Variants in RMI2 observed in about 807,000 individuals in gnomAD.
RMI2 encodes RecQ mediated genome instability 2.
In RMI2, 11 loss-of-function variants were observed where a neutral mutation model predicts 8.4. That is an observed-to-expected ratio of 1.32 (90% confidence interval 0.83 to 2.18). The LOEUF (loss-of-function observed/expected upper bound fraction) is 2.18, where lower values mean the gene tolerates loss of function less well. Ranked by LOEUF, RMI2 falls within the 30% of genes most tolerant of loss-of-function variation. The pLI is 0.00. For missense variants in RMI2, 253 were observed against 207.5 expected, an observed-to-expected ratio of 1.22 and a Z score of -1.35; for synonymous variants, 105 against 93.8, an observed-to-expected ratio of 1.12 and a Z score of -0.69.
chr16:11,346,618 A>G (rs2070875694), intron 1 of RMI2, among the ~76,000 whole-genome samples: 1 of 152,050 alleles, frequency 6.6e-6, no homozygotes, highest in Non-Finnish European at 1.5e-5. Flanking sequence ...TCTCTCCTGG[A>G]GGGCTTGGTA....
At position 11,345,630 on chromosome 16, in the gene RMI2, G is replaced by C; in HGVS notation, c.159G>C (p.Leu53=). The C allele has an allele frequency of 1.6e-6, 2 of 1,249,332 alleles. No individual in the cohort carries two copies. Among genetic ancestry groups the C allele is most frequent in the Non-Finnish European group, 1.0e-6 (1 of 998,370 alleles). 77.4% of individuals were successfully genotyped at this position (1,249,332 alleles called of 1,614,324 possible). Residue 53 remains leucine (L), a synonymous_variant, in exon 1 of 2, where the codon CTG becomes CTC. Transcript: ENST00000312499. ...LSRAAAGRGP[L]DLAAVWMQGR... ...GGGCGGCGGCGGGCCGCGGGCCGCT[G>C]GACCTGGCGGCCGTGTGGATGCAGG...
chr16:11,350,820 C>A lies in RMI2; in HGVS notation c.*30C>A. The A allele has an allele frequency of 6.4e-7, 1 of 1,559,724 alleles. No individual in the cohort carries two copies. On this transcript the variant is annotated 3_prime_UTR_variant, in exon 2 of 2. Transcript: ENST00000312499. ...TGTTGGAACTGTCGTTAAAAACAAC[C>A]AAAATCCCGAAACTATTTAGAAGCT...
rs1009271956 is a variant in RMI2 at position 11,345,503 on chromosome 16, G to A, written c.32G>A (p.Gly11Asp). 4 of 1,310,742 alleles carry A rather than the reference G, an allele frequency of 3.1e-6. No individual in the cohort carries two copies. The highest frequency in any genetic ancestry group is 2.2e-5 in the South Asian group (1 of 44,760). The allele number at this position is 1,310,742 out of a possible 1,614,324, so 81.2% of individuals were successfully genotyped here. ...GCGGCTGCGGACTCGTTCTCAGGCG[G>A]CCCCGCGGGGGTGCGGCTTCCGAGG... MAAAADSFSG[G>D]PAGVRLPRSP... Residue 11 changes from glycine to aspartate, a missense_variant, in exon 1 of 2, where the codon GGC becomes GAC. Transcript: ENST00000312499.
chr16:11,345,641 C>T lies in RMI2; in HGVS notation c.170C>T (p.Ala57Val). 4 of 1,261,236 alleles carry T rather than the reference C, an allele frequency of 3.2e-6. No homozygotes were observed. The highest frequency in any genetic ancestry group is 3.7e-5 in the South Asian group (1 of 27,230). The allele number at this position is 1,261,236 out of a possible 1,614,324, so 78.1% of individuals were successfully genotyped here. The change falls in exon 1 of 2, where the codon GCC becomes GTC. Residue 57 changes from alanine (A) to valine (V), a missense_variant. By Grantham distance (64) the Ala-to-Val change is moderately conservative. Coordinates refer to ENST00000312499, the MANE Select transcript of RMI2 (RefSeq NM_152308.3). ...AAGRGPLDLA[A>V]VWMQGRVVMA... ...GGCCGCGGGCCGCTGGACCTGGCGG[C>T]CGTGTGGATGCAGGGCAGGGTAGTG...
chr16:11,347,869 C>T (rs1341461617), intron 1 of RMI2, among the ~76,000 whole-genome samples: 1 of 152,240 alleles, frequency 6.6e-6, no homozygotes, highest in African/African-American at 2.4e-5. Flanking sequence ...CAACCTCCAC[C>T]TCCTGGGTTC....
intron 1 of RMI2, among the ~76,000 whole-genome samples, chr16:11,347,816 T>C (rs2070898980): frequency 6.6e-6 from 1 of 152,256 alleles, no homozygotes; most frequent in Non-Finnish European, 1.5e-5. Context: ...AATCTCGCTC[T>C]GTCTCTCAGG....
In RMI2 at chr16:11,350,807, C is replaced by T. The variant is rs1266511905; in HGVS notation, c.*17C>T. Reference sequence around the variant, plus strand: ...ATTCCTTAGAGTATGTTGGAACTGTCGTTAAAAACAACCAAAATCCCGAAA... The same window carrying T: ...ATTCCTTAGAGTATGTTGGAACTGTTGTTAAAAACAACCAAAATCCCGAAA... On this transcript the variant is annotated 3_prime_UTR_variant, in exon 2 of 2. Coordinates refer to ENST00000312499, the MANE Select transcript of RMI2 (RefSeq NM_152308.3). 19 of 1,581,200 alleles carry T rather than the reference C, an allele frequency of 1.2e-5. No individual in the cohort carries two copies. Among genetic ancestry groups the T allele is most frequent in the East Asian group, 9.0e-5 (4 of 44,364 alleles).
At chr16:11,347,417 G>A (rs1241926782) in intron 1 of RMI2, among the ~76,000 whole-genome samples, 1 of 152,174 alleles carries the variant, frequency 6.6e-6, no homozygotes, top group Non-Finnish European at 1.5e-5. Flanking sequence ...CTGTGGACTC[G>A]GAAAGGCTTA....
At chr16:11,346,829 ATCC>A (rs533415039) in intron 1 of RMI2, among the ~76,000 whole-genome samples, 78 of 152,252 alleles carry the variant, frequency 5.1e-4, no homozygotes, top group African/African-American at 1.8e-3. Flanking sequence ...AGCTCAAGCA[ATCC>A]TCCTGCGTCA....
At chr16:11,346,825 A>C (rs980894412) in intron 1 of RMI2, among the ~76,000 whole-genome samples, 1 of 152,214 alleles carries the variant, frequency 6.6e-6, no homozygotes, top group African/African-American at 2.4e-5. Flanking sequence ...CCTGAGCTCA[A>C]GCAATCCTCC....
Position 11,350,632 on chromosome 16 carries a change from C to T in RMI2, c.296-10C>T, listed in dbSNP as rs955636957. 1 of 1,536,618 alleles carries T rather than the reference C, an allele frequency of 6.5e-7. No individual in the cohort carries two copies. Among genetic ancestry groups the T allele is most frequent in the East Asian group, 2.4e-5 (1 of 42,170 alleles). On this transcript the variant is annotated splice_polypyrimidine_tract_variant and intron_variant, in intron 1 of 1. Transcript: ENST00000312499. ...AAGAACATTACTATGGGCTTTTCTT[C>T]TTTTTCTAGGAAAGTATGTGATGGT...
In RMI2 at chr16:11,350,804, T is replaced by G; in HGVS notation, c.*14T>G. 6.3e-7 allele frequency: 1 copy of G among 1,586,202 alleles called. No individual in the cohort carries two copies. The highest frequency in any genetic ancestry group is 8.6e-7 in the Non-Finnish European group (1 of 1,169,124). The stretch of plus-strand genomic sequence containing the variant: ...AATATTCCTTAGAGTATGTTGGAAC[T>G]GTCGTTAAAAACAACCAAAATCCCG... On this transcript the variant is annotated 3_prime_UTR_variant, in exon 2 of 2. Transcript: ENST00000312499.
rs919161856 is a variant in RMI2 at position 11,351,301 on chromosome 16, A to C, written c.*511A>C. 6 of 232,806 alleles carry C rather than the reference A, an allele frequency of 2.6e-5. No homozygotes were observed. Among genetic ancestry groups the C allele is most frequent in the African/African-American group, 1.3e-4 (6 of 45,310 alleles). The allele number at this position is 232,806 out of a possible 1,614,324, so 14.4% of individuals were successfully genotyped here. ...ACTACCATAACCAGTTTGCGAGTCA[A>C]ATGGCATTTCCTAACGGCAGGCATG... On this transcript the variant is annotated 3_prime_UTR_variant, in exon 2 of 2. Coordinates refer to ENST00000312499, the MANE Select transcript of RMI2 (RefSeq NM_152308.3).
At chr16:11,345,828 C>T in intron 1 of RMI2, 62 bp downstream of exon 1, 1 of 1,171,762 alleles carries the variant, frequency 8.5e-7, no homozygotes, top group Non-Finnish European at 1.1e-6. Flanking sequence ...TTGCCGAGGC[C>T]AGATTCGATC....
chr16:11,347,962 G>C (rs552753047), intron 1 of RMI2, among the ~76,000 whole-genome samples: 1 of 152,260 alleles, frequency 6.6e-6, no homozygotes, highest in African/African-American at 2.4e-5. Flanking sequence ...TGTAGTTCTA[G>C]TAGAGATGGG....
chr16:11,347,753 A>G (rs1336742051), intron 1 of RMI2, among the ~76,000 whole-genome samples: 1 of 152,152 alleles, frequency 6.6e-6, no homozygotes, highest in Non-Finnish European at 1.5e-5. Context: ...TGTCCTGCGA[A>G]CTAAAAATGC....
At position 11,351,606 on chromosome 16, in the gene RMI2, A is replaced by G. The variant is rs765026640; in HGVS notation, c.*816A>G. ...TTGTATGGAATGACTTTTTGCTGTG[A>G]TGGTTTTGAATGTTGGGTTTCTGCT... is the stretch of plus-strand genomic sequence containing the variant. On this transcript the variant is annotated 3_prime_UTR_variant, in exon 2 of 2. Coordinates refer to ENST00000312499, the MANE Select transcript of RMI2 (RefSeq NM_152308.3). 38 of 231,736 alleles carry G rather than the reference A, an allele frequency of 1.6e-4. No homozygotes were observed. The highest frequency in any genetic ancestry group is 2.6e-4 in the Non-Finnish European group (31 of 117,230). 14.4% of individuals were successfully genotyped at this position (231,736 alleles called of 1,614,324 possible).
intron 1 of RMI2, among the ~76,000 whole-genome samples, chr16:11,347,243 A>T (rs1224466694): frequency 3.3e-5 from 5 of 152,114 alleles, no homozygotes; most frequent in African/African-American, 1.2e-4. Flanking sequence ...CTTCTAGAGG[A>T]TGTGAGGTCT....
chr16:11,350,516 G>T (rs1162704748), intron 1 of RMI2, 126 bp from the exon 2 acceptor site: 1 of 696,690 alleles, frequency 1.4e-6, no homozygotes. Flanking sequence ...CTTAAACTCA[G>T]GAGGTGGAGG....
Sources: gnomAD v4.1 joint callset for allele counts (sites outside exome capture counted in the v4.1 genomes callset) on GRCh38, gnomAD v4.1.1 for gene constraint, MANE v1.5 for transcripts, NCBI Gene and HGNC (gene_info 2026-07-23, HGNC 2026-07-21) for gene names.